Variants in ACOXL observed in about 807,000 individuals in gnomAD.
ACOXL encodes the protein acyl-CoA oxidase like.
ACOXL carries 70 observed loss-of-function variants against 71.9 expected under a neutral mutation model. That is an observed-to-expected ratio of 0.97 (90% confidence interval 0.80 to 1.19). ACOXL has a LOEUF of 1.19. Ranked by LOEUF, ACOXL falls within the 50% of genes most tolerant of loss-of-function variation. The pLI is 0.00. For synonymous variants in ACOXL, 253 were observed against 281.6 expected (o/e 0.90, Z 1.02); for missense variants, 703 against 736.3 (o/e 0.95, Z 0.52).
chr2:110,901,656 A>G (rs1160500797), intron 10 of ACOXL, among the ~76,000 whole-genome samples: 1 of 151,856 alleles, frequency 6.6e-6, no homozygotes, highest in East Asian at 1.9e-4. Flanking sequence ...ACACACACAC[A>G]CACACACACA....
At position 111,065,104 on chromosome 2, in the gene ACOXL, A is replaced by G. The variant is rs142115762; in HGVS notation, c.1440+15816A>G. Among the ~76,000 whole-genome samples the G allele has an allele frequency of 2.2e-3, 342 of 152,328 alleles. 2 individuals are homozygous for G. The highest frequency in any genetic ancestry group is 8.0e-3 in the African/African-American group (332 of 41,578). On this transcript the variant is annotated intron_variant, in intron 16 of 17. Transcript: ENST00000439055. ...GAATCAGTCTATCCAATTTTAAGAC[A>G]TATAACTATAGTAATGAAGACTGTA...
intron 2 of ACOXL, among the ~76,000 whole-genome samples, chr2:110,781,598 C>G (rs1683345691): frequency 6.6e-6 from 1 of 151,818 alleles, no homozygotes; most frequent in Non-Finnish European, 1.5e-5. Flanking sequence ...GCCGAGATCG[C>G]ACCATGCACT....
intron 9 of ACOXL, among the ~76,000 whole-genome samples, chr2:110,818,423 ATGTGTGTGTG>A (rs766770172): frequency 2.1e-4 from 29 of 137,694 alleles, no homozygotes; most frequent in Admixed American, 1.2e-3. Flanking sequence ...ATATATATAT[ATGTGTGTGTG>A]TGTGTGTGTG....
chr2:110,947,941 T>C (rs570881132), intron 12 of ACOXL, among the ~76,000 whole-genome samples: 13 of 152,360 alleles, frequency 8.5e-5, no homozygotes, highest in African/African-American at 3.1e-4. Context: ...TTGGCTCCTT[T>C]GAAACCAACA....
chr2:110,755,483 T>C (rs1310958260), intron 1 of ACOXL, among the ~76,000 whole-genome samples: 1 of 152,234 alleles, frequency 6.6e-6, no homozygotes, highest in Non-Finnish European at 1.5e-5. Context: ...AATACACAAC[T>C]ATGCATGTTG....
At chr2:111,055,086 C>T (rs2066468385) in intron 16 of ACOXL, among the ~76,000 whole-genome samples, 1 of 152,172 alleles carries the variant, frequency 6.6e-6, no homozygotes, top group Non-Finnish European at 1.5e-5. Flanking sequence ...CCTCCTCACC[C>T]ACCCCCAACC....
At chr2:110,912,975 A>G (rs1027126959) in intron 11 of ACOXL, among the ~76,000 whole-genome samples, 4 of 152,232 alleles carry the variant, frequency 2.6e-5, no homozygotes, top group Non-Finnish European at 5.9e-5. Context: ...TCCAAAGAAG[A>G]TGTACAAATA....
chr2:110,993,823 G>A (rs1277559906), intron 13 of ACOXL, among the ~76,000 whole-genome samples: 1 of 152,166 alleles, frequency 6.6e-6, no homozygotes, highest in African/African-American at 2.4e-5. Context: ...AGTCATTCTG[G>A]TGGATGTATA....
chr2:110,983,121 A>G (rs1186672984), intron 12 of ACOXL, among the ~76,000 whole-genome samples: 1 of 152,144 alleles, frequency 6.6e-6, no homozygotes, highest in Non-Finnish European at 1.5e-5. Flanking sequence ...ATCTGGTGGG[A>G]TCTCCTTGGA....
intron 17 of ACOXL, among the ~76,000 whole-genome samples, chr2:111,095,717 T>TGATTTCCACAC (rs2068768139): frequency 6.6e-6 from 1 of 152,148 alleles, no homozygotes; most frequent in Admixed American, 6.6e-5. Flanking sequence ...CAGTGCCACA[T>TGATTTCCACAC]GCTTTCCACA....
At chr2:110,828,447 A>T (rs1381101825) in intron 9 of ACOXL, among the ~76,000 whole-genome samples, 2 of 152,218 alleles carry the variant, frequency 1.3e-5, no homozygotes, top group Admixed American at 6.5e-5. Context: ...CTTTCAAAAG[A>T]GCTGTGCTGA....
In ACOXL at chr2:110,919,016, C is replaced by T. The variant is rs140989238; in HGVS notation, c.905+10111C>T. On this transcript the variant is annotated intron_variant, in intron 11 of 17. Coordinates refer to ENST00000439055, the MANE Select transcript of ACOXL (RefSeq NM_001142807.4). Reference sequence around the variant, plus strand: ...GTGGCAATTCCTCAAGGATCTAGAACCAGAAATACCATTTGACCCAGCAAT... The same window carrying T: ...GTGGCAATTCCTCAAGGATCTAGAATCAGAAATACCATTTGACCCAGCAAT... Among the ~76,000 whole-genome samples the T allele has an allele frequency of 3.6e-3, 553 of 152,212 alleles. 3 individuals are homozygous for T. Among genetic ancestry groups the T allele is most frequent in the African/African-American group, 0.012 (515 of 41,530 alleles).
At chr2:110,830,559 A>G (rs1689700862) in intron 9 of ACOXL, among the ~76,000 whole-genome samples, 1 of 150,662 alleles carries the variant, frequency 6.6e-6, no homozygotes, top group African/African-American at 2.4e-5. Context: ...TTTGAGACAG[A>G]GTCTTGGTTT....
intron 1 of ACOXL, among the ~76,000 whole-genome samples, chr2:110,735,884 C>T (rs1676769069): frequency 6.6e-6 from 1 of 152,174 alleles, no homozygotes. Context: ...GAAGCTCTCT[C>T]AGGAGAGGCT....
intron 5 of ACOXL, among the ~76,000 whole-genome samples, chr2:110,796,778 C>T (rs1318641775): frequency 2.6e-5 from 4 of 152,176 alleles, no homozygotes; most frequent in African/African-American, 9.7e-5. Context: ...TAAAAAGATC[C>T]AGCATGTCCG....
intron 10 of ACOXL, among the ~76,000 whole-genome samples, chr2:110,866,346 G>T (rs1433247077): frequency 6.6e-6 from 1 of 152,168 alleles, no homozygotes; most frequent in Non-Finnish European, 1.5e-5. Context: ...AGGCAGGGAG[G>T]GGAGCTCTAG....
chr2:110,955,926 G>C (rs1360026592), intron 12 of ACOXL, among the ~76,000 whole-genome samples: 1 of 145,314 alleles, frequency 6.9e-6, no homozygotes, highest in African/African-American at 2.5e-5. Context: ...TCTGGAACTT[G>C]CCACAGATTT....
At position 110,985,680 on chromosome 2, in the gene ACOXL, A is replaced by C. The variant is rs546426770; in HGVS notation, c.1060-1428A>C. 3.9e-5 allele frequency among the ~76,000 whole-genome samples: 6 copies of C among 152,260 alleles called. No individual in the cohort carries two copies. In the East Asian group the frequency reaches 9.7e-4, roughly 25 times the overall value. ...TTGTGTACTGGCCTAAAGCACCTCT[A>C]ATTTCAAGGGAACAGGGGAGTTTAA... On this transcript the variant is annotated intron_variant, in intron 12 of 17. Coordinates refer to ENST00000439055, the MANE Select transcript of ACOXL (RefSeq NM_001142807.4).
chr2:110,907,867 G>A (rs897732704), intron 10 of ACOXL, among the ~76,000 whole-genome samples: 1 of 152,158 alleles, frequency 6.6e-6, no homozygotes, highest in African/African-American at 2.4e-5. Flanking sequence ...TAAAACAATT[G>A]CTTCTTCTCT....
Sources: allele counts gnomAD v4.1 joint callset (sites outside exome capture counted in the v4.1 genomes callset), GRCh38; gene constraint gnomAD v4.1.1; transcripts MANE v1.5; gene names NCBI Gene and HGNC (gene_info 2026-07-23, HGNC 2026-07-21).